Variants in TBC1D24 observed in about 807,000 individuals in gnomAD.
The protein encoded by TBC1D24 is Infantile myoclonic epilepsy.
TBC1D24 carries 47 observed loss-of-function variants against 50.7 expected under a neutral mutation model. The ratio of observed to expected loss-of-function variants is 0.93; its 90% CI spans 0.73 to 1.18. The LOEUF is 1.18. Among genes scored for constraint, TBC1D24 ranks in the 50% most tolerant of loss-of-function variants. The pLI, the probability that TBC1D24 is intolerant of heterozygous loss-of-function variation, is 0.00. For synonymous variants in TBC1D24, 324 were observed against 335.2 expected (o/e 0.97, Z 0.36); for missense variants, 688 against 766.5 (o/e 0.90, Z 1.21).
Position 2,499,742 on chromosome 16 carries a change from A to C in TBC1D24, c.1207-93A>C, listed in dbSNP as rs1276006871. On this transcript the variant is annotated intron_variant, in intron 5 of 7. Coordinates refer to ENST00000646147, the MANE Select transcript of TBC1D24 (RefSeq NM_001199107.2). This position sits in a 1 kb window ranked among gnomAD's most constrained non-coding sequence, Gnocchi z 4.0. ...GGGAGACGGCAATGCCTGCACCCCC[A>C]CCTGTGACCTGGGACAGGCCCGTCA... is the stretch of plus-strand genomic sequence containing the variant. The C allele has an allele frequency of 8.9e-7, 1 of 1,127,614 alleles. No individual in the cohort carries two copies. Among genetic ancestry groups the C allele is most frequent in the Non-Finnish European group, 1.4e-6 (1 of 737,174 alleles). The allele number at this position is 1,127,614 out of a possible 1,614,324, so 69.9% of individuals were successfully genotyped here.
chr16:2,486,336 C>A lies in TBC1D24; in HGVS notation c.-115-9698C>A, dbSNP rs185575507. On this transcript the variant is annotated intron_variant, in intron 1 of 7. Coordinates refer to ENST00000646147, the MANE Select transcript of TBC1D24 (RefSeq NM_001199107.2). This position sits in a 1 kb window ranked among gnomAD's most constrained non-coding sequence, Gnocchi z 5.8. ...CTCTTCCTCTTCATTCCCGGTCCCA[C>A]TCCCAGGAAATGGTGAGGGATTGCT... 7.8e-4 allele frequency among the ~76,000 whole-genome samples: 119 copies of A among 152,332 alleles called. No homozygotes were observed. The highest frequency in any genetic ancestry group is 3.4e-3 in the Middle Eastern group (1 of 294).
rs1233332035 is a variant in TBC1D24 at position 2,487,644 on chromosome 16, T to TTGGAGTTTGGTGCTGGAGTTTGGTGC, written c.-115-8351_-115-8326dup. ...TGGAGTTTGGTGTTGGAGTTTGGTG[T>TTGGAGTTTGGTGCTGGAGTTTGGTGC]TGGAGTTTGGTGCTGGAGTTTGGTG... On this transcript the variant is annotated intron_variant, in intron 1 of 7. Coordinates refer to ENST00000646147, the MANE Select transcript of TBC1D24 (RefSeq NM_001199107.2). The surrounding 1 kb of genome is among the most constrained non-coding windows in gnomAD (Gnocchi z 4.1). 2.7e-5 allele frequency among the ~76,000 whole-genome samples: 4 copies of TTGGAGTTTGGTGCTGGAGTTTGGTGC among 146,166 alleles called. No individual in the cohort carries two copies. Among genetic ancestry groups the TTGGAGTTTGGTGCTGGAGTTTGGTGC allele is most frequent in the African/African-American group, 7.7e-5 (3 of 38,882 alleles).
At position 2,501,144 on chromosome 16, in the gene TBC1D24, T is replaced by G; in HGVS notation, c.*186T>G. 1 of 719,534 alleles carries G rather than the reference T, an allele frequency of 1.4e-6. No homozygotes were observed. The highest frequency in any genetic ancestry group is 1.8e-5 in the African/African-American group (1 of 56,088). 44.6% of individuals were successfully genotyped at this position (719,534 alleles called of 1,614,324 possible). A position where few individuals can be genotyped will look rare whatever the true frequency, so the allele number is the denominator to read the frequency against. The stretch of plus-strand genomic sequence containing the variant: ...CTCTACCTGGGGTTTGGGCTGGGCT[T>G]CCCCAGTCCACCTGCATCTGGGTCA... On this transcript the variant is annotated 3_prime_UTR_variant, in exon 8 of 8. Transcript: ENST00000646147.
rs776739391 is a variant in TBC1D24 at position 2,497,051 on chromosome 16, G to T, written c.903G>T (p.Gln301His). The T allele has an allele frequency of 1.2e-6, 2 of 1,612,684 alleles. No individual in the cohort carries two copies. Among genetic ancestry groups the T allele is most frequent in the South Asian group, 2.2e-5 (2 of 91,088 alleles). Residue 301 changes from glutamine (Q) to histidine (H), a missense_variant, in exon 2 of 8, where the codon CAG becomes CAT. By Grantham distance (24) the Gln-to-His change is conservative (BLOSUM62 0). Coordinates refer to ENST00000646147, the MANE Select transcript of TBC1D24 (RefSeq NM_001199107.2). ...GCCTCTTCTCCCGCAAGGAGATCCA[G>T]CTCCTGCAGATGGCCAATGAGAAAG... is the stretch of plus-strand genomic sequence containing the variant. The part of the protein sequence containing the change: ...AIRLFSRKEI[Q>H]LLQMANEKAL...
chr16:2,499,482 C>A lies in TBC1D24; in HGVS notation c.1206+62C>A. ...GGGCTCCAGGGCTGGCTCTGATGGG[C>A]TCCAGGGCTGGCTCTGATGGGCTTC... is the stretch of plus-strand genomic sequence containing the variant. On this transcript the variant is annotated intron_variant, in intron 5 of 7. Transcript: ENST00000646147. The surrounding 1 kb of genome is among the most constrained non-coding windows in gnomAD (Gnocchi z 4.0). 1 of 1,486,186 alleles carries A rather than the reference C, an allele frequency of 6.7e-7. No individual in the cohort carries two copies. The highest frequency in any genetic ancestry group is 9.3e-7 in the Non-Finnish European group (1 of 1,073,736). The allele number at this position is 1,486,186 out of a possible 1,614,324, so 92.1% of individuals were successfully genotyped here.
rs1331038051 is a variant in TBC1D24 at position 2,486,797 on chromosome 16, TTC to T, written c.-115-9233_-115-9232del. 2.6e-5 allele frequency among the ~76,000 whole-genome samples: 4 copies of T among 152,208 alleles called. No individual in the cohort carries two copies. Among genetic ancestry groups the T allele is most frequent in the African/African-American group, 4.8e-5 (2 of 41,444 alleles). On this transcript the variant is annotated intron_variant, in intron 1 of 7. Transcript: ENST00000646147. The surrounding 1 kb of genome is among the most constrained non-coding windows in gnomAD (Gnocchi z 5.8). ...ACAGTGGAGCTTCCCTGGGCTGGAA[TTC>T]TCTGTTTGTCGCTCGCCCCCGCCTC...
In TBC1D24 at chr16:2,503,431, G is replaced by A. The variant is rs1213840367; in HGVS notation, c.*2473G>A. Reference sequence around the variant, plus strand: ...TCTTGATTATTTATTAGCTTTGGATGTTAAAAATTAGCCAAAAGTGGCTGC... The same window carrying A: ...TCTTGATTATTTATTAGCTTTGGATATTAAAAATTAGCCAAAAGTGGCTGC... On this transcript the variant is annotated 3_prime_UTR_variant, in exon 8 of 8. Coordinates refer to ENST00000646147, the MANE Select transcript of TBC1D24 (RefSeq NM_001199107.2). The A allele has an allele frequency of 6.6e-6, 1 of 150,646 alleles. No individual in the cohort carries two copies. Among genetic ancestry groups the A allele is most frequent in the African/African-American group, 2.4e-5 (1 of 40,900 alleles). 9.3% of individuals were successfully genotyped at this position (150,646 alleles called of 1,614,324 possible). A position where few individuals can be genotyped will look rare whatever the true frequency, so the allele number is the denominator to read the frequency against.
Position 2,499,939 on chromosome 16 carries a change from G to A in TBC1D24, c.1302+9G>A, listed in dbSNP as rs1197608274. On this transcript the variant is annotated intron_variant, in intron 6 of 7. Transcript: ENST00000646147. The surrounding 1 kb of genome is among the most constrained non-coding windows in gnomAD (Gnocchi z 4.0). ...AATGCTTTGTGTTTAGGGTGAGTGGGGCCAAGTGTCCCCAAACCCCCACGC... is the reference window on the plus strand; with the variant it reads ...AATGCTTTGTGTTTAGGGTGAGTGGAGCCAAGTGTCCCCAAACCCCCACGC... The A allele has an allele frequency of 3.7e-6, 6 of 1,613,270 alleles. No homozygotes were observed. Among genetic ancestry groups the A allele is most frequent in the Non-Finnish European group, 5.1e-6 (6 of 1,179,418 alleles).
At chr16:2,495,483 A>C (rs963717941) in intron 1 of TBC1D24, among the ~76,000 whole-genome samples, 5 of 152,126 alleles carry the variant, frequency 3.3e-5, no homozygotes, top group African/African-American at 9.7e-5. Flanking sequence ...CTGTCTCTAC[A>C]AAAAAATAAA....
chr16:2,497,871 G>A lies in TBC1D24; in HGVS notation c.983+144G>A, dbSNP rs375596007. 14 of 841,232 alleles carry A rather than the reference G, an allele frequency of 1.7e-5. No homozygotes were observed. The East Asian group carries it at 2.7e-4, about 16-fold the overall frequency. 52.1% of individuals were successfully genotyped at this position (841,232 alleles called of 1,614,324 possible). On this transcript the variant is annotated intron_variant, in intron 3 of 7. Coordinates refer to ENST00000646147, the MANE Select transcript of TBC1D24 (RefSeq NM_001199107.2). ...CTCTGAGCCGGACTGATGCTCAGGCGCCTTCTGTCTGTCTGTCTGCCTGCC... is the reference window on the plus strand; with the variant it reads ...CTCTGAGCCGGACTGATGCTCAGGCACCTTCTGTCTGTCTGTCTGCCTGCC...
intron 3 of TBC1D24, 66 bp from the exon 4 acceptor site, chr16:2,498,172 A>G (rs1358160821): frequency 1.4e-5 from 21 of 1,540,144 alleles, no homozygotes; most frequent in Non-Finnish European, 1.8e-5. Context: ...TCTGGGGCAT[A>G]CCTCGGGGGG....
Position 2,483,607 on chromosome 16 carries a change from A to C in TBC1D24, c.-116+8437A>C, listed in dbSNP as rs1194936565. The stretch of plus-strand genomic sequence containing the variant: ...GGACTGGATAAAAAGGTAGAGATGT[A>C]AAGGCTTTTAAAGTTCTAGAGGCCA... On this transcript the variant is annotated intron_variant, in intron 1 of 7. Transcript: ENST00000646147. This position sits in a 1 kb window ranked among gnomAD's most constrained non-coding sequence, Gnocchi z 4.0. The C allele has an allele frequency of 6.6e-6, 1 of 152,342 alleles. No individual in the cohort carries two copies. Among genetic ancestry groups the C allele is most frequent in the East Asian group, 1.9e-4 (1 of 5,184 alleles). The allele number at this position is 152,342 out of a possible 1,614,324, so 9.4% of individuals were successfully genotyped here. A position where few individuals can be genotyped will look rare whatever the true frequency, so the allele number is the denominator to read the frequency against.
chr16:2,492,403 G>A (rs1223600256), intron 1 of TBC1D24, among the ~76,000 whole-genome samples: 1 of 152,188 alleles, frequency 6.6e-6, no homozygotes, highest in Non-Finnish European at 1.5e-5. Context: ...ACTGTTTCCA[G>A]TTTAATATTC....
chr16:2,498,277 C>T lies in TBC1D24; in HGVS notation c.1023C>T (p.Arg341=). 1 of 1,611,914 alleles carries T rather than the reference C, an allele frequency of 6.2e-7. No individual in the cohort carries two copies. The highest frequency in any genetic ancestry group is 1.1e-5 in the South Asian group (1 of 90,444). The change falls in exon 4 of 8, where the codon CGC becomes CGT. Residue 341 remains arginine (R), a synonymous_variant. Transcript: ENST00000646147. ...TGGCCGTCCATGCAGAGAACTTCCGCTCGGAGATCGTCAGCGTGAGGGAGA... is the reference window on the plus strand; with the variant it reads ...TGGCCGTCCATGCAGAGAACTTCCGTTCGGAGATCGTCAGCGTGAGGGAGA... ...VHLAVHAENF[R]SEIVSVREMR...
rs374219053 is a variant in TBC1D24 at position 2,498,587 on chromosome 16, C to T, written c.1142+191C>T. 2.9e-4 allele frequency among the ~76,000 whole-genome samples: 44 copies of T among 152,342 alleles called. 1 individual carries two copies. The East Asian group carries it at 4.4e-3, about 15-fold the overall frequency. The stretch of plus-strand genomic sequence containing the variant: ...CCCAGACTTTGGGGGTCATGGCAGG[C>T]GTGCCACAGCTTGGGGCCATGCAGG... On this transcript the variant is annotated intron_variant, in intron 4 of 7. Transcript: ENST00000646147.
Position 2,500,336 on chromosome 16 carries a change from C to G in TBC1D24, c.1371C>G (p.Pro457=), listed in dbSNP as rs1484056240. Residue 457 remains proline (P), a synonymous_variant, in exon 7 of 8, where the codon CCC becomes CCG. Transcript: ENST00000646147. The surrounding 1 kb of genome is among the most constrained non-coding windows in gnomAD (Gnocchi z 8.0). The part of the protein sequence containing the change: ...IKHPELTKPP[P]LMAAEPTAPL... ...ACCCCGAGCTGACCAAGCCCCCACC[C>G]TTGATGGCTGCCGAGCCCACCGCCC... 3 of 1,611,382 alleles carry G rather than the reference C, an allele frequency of 1.9e-6. No individual in the cohort carries two copies. Among genetic ancestry groups the G allele is most frequent in the Non-Finnish European group, 2.5e-6 (3 of 1,179,310 alleles).
rs974544530 is a variant in TBC1D24 at position 2,499,426 on chromosome 16, C to T, written c.1206+6C>T. 29 of 1,612,776 alleles carry T rather than the reference C, an allele frequency of 1.8e-5. No homozygotes were observed. The highest frequency in any genetic ancestry group is 2.4e-5 in the Non-Finnish European group (28 of 1,179,558). On this transcript the variant is annotated splice_donor_region_variant and intron_variant, in intron 5 of 7. Transcript: ENST00000646147. This position sits in a 1 kb window ranked among gnomAD's most constrained non-coding sequence, Gnocchi z 4.0. ...TCAAGACCACGCAGAAGGAGGTGAG[C>T]AGGGGCCCTGGAGCCAGGGCTGGCT...
In TBC1D24 at chr16:2,487,502, G is replaced by A. The variant is rs889418132; in HGVS notation, c.-115-8532G>A. Among the ~76,000 whole-genome samples the A allele has an allele frequency of 4.6e-5, 7 of 152,240 alleles. No individual in the cohort carries two copies. Among genetic ancestry groups the A allele is most frequent in the Admixed American group, 4.6e-4 (7 of 15,286 alleles). On this transcript the variant is annotated intron_variant, in intron 1 of 7. Transcript: ENST00000646147. This position sits in a 1 kb window ranked among gnomAD's most constrained non-coding sequence, Gnocchi z 4.1. ...GTTCTGTCTTTGTACATGAAAGAGA[G>A]TTTGTTTTCAAATCCGGTTGTTTGG... is the stretch of plus-strand genomic sequence containing the variant.
In TBC1D24 at chr16:2,483,951, T is replaced by G. The variant is rs2065629648; in HGVS notation, c.-116+8781T>G. The G allele has an allele frequency of 6.6e-6, 1 of 152,238 alleles. No individual in the cohort carries two copies. The highest frequency in any genetic ancestry group is 2.4e-5 in the African/African-American group (1 of 41,374). The allele number at this position is 152,238 out of a possible 1,614,324, so 9.4% of individuals were successfully genotyped here. A position where few individuals can be genotyped will look rare whatever the true frequency, so the allele number is the denominator to read the frequency against. On this transcript the variant is annotated intron_variant, in intron 1 of 7. Transcript: ENST00000646147. The surrounding 1 kb of genome is among the most constrained non-coding windows in gnomAD (Gnocchi z 4.0). ...TGACACTGTCACCATCCAGCCCCGG[T>G]CAGACATGGTCCTATAGCTGAGGGT...
Sources: allele counts gnomAD v4.1 joint callset (sites outside exome capture counted in the v4.1 genomes callset), GRCh38; gene constraint gnomAD v4.1.1; non-coding constraint Gnocchi (gnomAD v3.1); transcripts MANE v1.5; gene names NCBI Gene and HGNC (gene_info 2026-07-23, HGNC 2026-07-21).